The following CACNA1G variants were observed in gnomAD, a reference collection of about 807,000 sequenced individuals.
The protein encoded by CACNA1G is calcium voltage-gated channel subunit alpha1 G.
Under a neutral mutation model 219.4 loss-of-function variants are expected in CACNA1G, and 67 were observed. That is an observed-to-expected ratio of 0.31 (90% confidence interval 0.25 to 0.37). CACNA1G has a LOEUF of 0.37. Among genes scored for constraint, CACNA1G ranks in the 10% least tolerant of loss-of-function variants. The pLI, the probability that CACNA1G is intolerant of heterozygous loss-of-function variation, is 1.00. For synonymous variants in CACNA1G, 1,296 were observed against 1,345.3 expected (o/e 0.96, Z 0.80); for missense variants, 2,380 against 3,231.4 (o/e 0.74, Z 6.39).
rs554260692 is a variant in CACNA1G, at chr17:50,588,759, G to T, written c.2302-1712G>T. Among the ~76,000 whole-genome samples the T allele has an allele frequency of 2.3e-3, 345 of 152,334 alleles. 2 individuals carry two copies. The highest frequency in any genetic ancestry group is 7.8e-3 in the African/African-American group (324 of 41,554). On this transcript the variant is annotated intron_variant, in intron 9 of 37. Coordinates refer to ENST00000359106, the MANE Select transcript of CACNA1G (RefSeq NM_018896.5). ...TAGCTGGCTGTCTGCCTGCCTGCTG[G>T]CCCTGACTCTGCCCCCAGGCCTGCC...
rs1207803861 is a variant in CACNA1G, at chr17:50,576,015, C to G, written c.1613C>G (p.Ser538Trp). 3 of 1,560,458 alleles carry G rather than the reference C, an allele frequency of 1.9e-6. No individual in the cohort carries two copies. The highest frequency in any genetic ancestry group is 2.7e-5 in the African/African-American group (2 of 73,382). Residue 538 changes from serine (S) to tryptophan (W), a missense_variant, in exon 8 of 38, where the codon TCG (serine) becomes TGG (tryptophan). Physicochemically the swap from Ser to Trp is radical, Grantham distance 177. This residue lies in a region of CACNA1G where 434 missense variants were observed against 417.3 expected (regional missense o/e 1.04). Transcript: ENST00000359106. ...GSRRLMLPPP[S>W]TPALSGAPPG... ...CGCCGGCTCATGCTGCCACCACCCT[C>G]GACGCCTGCCCTCTCCGGGGCCCCC...
chr17:50,569,990 C>A (rs1409017655), intron 4 of CACNA1G, among the ~76,000 whole-genome samples, 187 bp downstream of exon 4: 1 of 152,160 alleles, frequency 6.6e-6, no homozygotes, highest in Non-Finnish European at 1.5e-5. Flanking sequence ...TGGGAGTTAC[C>A]TGGGAAAACC....
intron 7 of CACNA1G, chr17:50,573,447 G>GAA (rs1385474622): frequency 4.3e-6 from 1 of 232,918 alleles, no homozygotes; most frequent in Non-Finnish European, 8.4e-6. Context: ...TTGGAAATGG[G>GAA]AAAGGGTGAT....
At position 50,626,301 on chromosome 17, in the gene CACNA1G, C is replaced by T; in HGVS notation, c.6684C>T (p.Leu2228=). 5 of 1,613,522 alleles carry T rather than the reference C, an allele frequency of 3.1e-6. No homozygotes were observed. Among genetic ancestry groups the T allele is most frequent in the Non-Finnish European group, 4.2e-6 (5 of 1,179,868 alleles). Reference sequence around the variant, plus strand: ...AGCTGAGCTGGATTTCAGGAGACCTCCTGCCCCCTGGCGGCCAGGAGGAGC... The same window carrying T: ...AGCTGAGCTGGATTTCAGGAGACCTTCTGCCCCCTGGCGGCCAGGAGGAGC... ...DTELSWISGD[L]LPPGGQEEPP... The change falls in exon 38 of 38, where the codon CTC becomes CTT. Residue 2228 remains leucine, a synonymous_variant. Transcript: ENST00000359106. This position sits in a 1 kb window ranked among gnomAD's most constrained non-coding sequence, Gnocchi z 4.3.
Position 50,605,962 on chromosome 17 carries a change from A to C in CACNA1G, c.4361A>C (p.Asp1454Ala), listed in dbSNP as rs766533867. Residue 1454 changes from aspartate (D) to alanine (A), a missense_variant, in exon 23 of 38, where the codon GAC (aspartate) becomes GCC (alanine). Physicochemically the swap from Asp to Ala is moderately radical, Grantham distance 126. Coordinates refer to ENST00000359106, the MANE Select transcript of CACNA1G (RefSeq NM_018896.5). ...EDTRNITNKSDCAEASYRWVR... is the reference protein window; with the variant it reads ...EDTRNITNKSACAEASYRWVR... ...ACCAGGAACATCACCAATAAATCGGACTGTGCCGAGGCCAGTTACCGGTGG... is the reference window on the plus strand; with the variant it reads ...ACCAGGAACATCACCAATAAATCGGCCTGTGCCGAGGCCAGTTACCGGTGG... The C allele has an allele frequency of 1.2e-6, 2 of 1,613,772 alleles. No individual in the cohort carries two copies. The highest frequency in any genetic ancestry group is 1.7e-5 in the Admixed American group (1 of 60,034).
At chr17:50,572,099 A>T in intron 5 of CACNA1G, 62 bp downstream of exon 5, 1 of 1,537,640 alleles carries the variant, frequency 6.5e-7, no homozygotes, top group Non-Finnish European at 8.9e-7. Flanking sequence ...GCACCCCCCC[A>T]AGTTCCTCAC....
intron 26 of CACNA1G, 76 bp downstream of exon 26, chr17:50,610,011 T>C: frequency 7.0e-7 from 1 of 1,437,692 alleles, no homozygotes; most frequent in African/African-American, 1.4e-5. Context: ...ATTGATTCTA[T>C]CCTCTTGGGG....
chr17:50,580,342 G>A (rs2041677363), intron 9 of CACNA1G, among the ~76,000 whole-genome samples: 1 of 151,944 alleles, frequency 6.6e-6, no homozygotes, highest in South Asian at 2.1e-4. Flanking sequence ...CAGGCTCCCT[G>A]AACCTCAGCC....
At chr17:50,624,280 C>A in intron 36 of CACNA1G, 80 bp from the exon 37 acceptor site, 1 of 1,308,684 alleles carries the variant, frequency 7.6e-7, no homozygotes, top group Non-Finnish European at 1.1e-6. Context: ...GAAGGGAGGG[C>A]TCAGGTGAGA....
intron 9 of CACNA1G, among the ~76,000 whole-genome samples, chr17:50,579,842 T>G (rs976765947): frequency 4.6e-5 from 7 of 151,694 alleles, no homozygotes; most frequent in African/African-American, 1.7e-4. Flanking sequence ...ACAGGCAGGG[T>G]GGTACAGGCA....
intron 37 of CACNA1G, among the ~76,000 whole-genome samples, chr17:50,625,029 C>T (rs540326442): frequency 6.5e-4 from 99 of 151,762 alleles, no homozygotes; most frequent in Admixed American, 1.2e-3. Context: ...CTTGGCTCCC[C>T]GCAACCTCCG....
chr17:50,618,325 T>C lies in CACNA1G; in HGVS notation c.5409T>C (p.Asn1803=), dbSNP rs1321034285. The change falls in exon 32 of 38, where the codon AAT becomes AAC. Residue 1803 remains asparagine (N), a synonymous_variant. Transcript: ENST00000359106. The surrounding 1 kb of genome is among the most constrained non-coding windows in gnomAD (Gnocchi z 5.3). The part of the protein sequence containing the change: ...LTLFRVSTGD[N]WNGIMKDTLR... ...TCTTCCGAGTCTCCACAGGTGACAA[T>C]TGGAATGGCATTATGAAGGTAAGGG... 5 of 1,613,716 alleles carry C rather than the reference T, an allele frequency of 3.1e-6. No individual in the cohort carries two copies. Among genetic ancestry groups the C allele is most frequent in the African/African-American group, 2.7e-5 (2 of 74,902 alleles).
chr17:50,624,328 CCCACCCCTCCCCCGCTTCCCTCCCT>C lies in CACNA1G; in HGVS notation c.6230-27_6230-3del. Reference sequence around the variant, plus strand: ...GAACCCTCCAGCTCCATTCTCTCCCCCCACCCCTCCCCCGCTTCCCTCCCTCCACAGGCTCCGTCTTGTCCGTTCA... The same window carrying C: ...GAACCCTCCAGCTCCATTCTCTCCCCCCACAGGCTCCGTCTTGTCCGTTCA... On this transcript the variant is annotated splice_region_variant and splice_polypyrimidine_tract_variant and intron_variant, in intron 36 of 37. Transcript: ENST00000359106. 8.7e-7 allele frequency: 1 copy of C among 1,151,230 alleles called. No homozygotes were observed. Among genetic ancestry groups the C allele is most frequent in the Non-Finnish European group, 1.3e-6 (1 of 783,660 alleles). 71.3% of individuals were successfully genotyped at this position (1,151,230 alleles called of 1,614,324 possible). A position where few individuals can be genotyped will look rare whatever the true frequency, so the allele number is the denominator to read the frequency against.
Position 50,599,844 on chromosome 17 carries a change from T to A in CACNA1G, c.3675T>A (p.Asp1225Glu), listed in dbSNP as rs1400585847. The A allele has an allele frequency of 6.2e-7, 1 of 1,607,430 alleles. No individual in the cohort carries two copies. Among genetic ancestry groups the A allele is most frequent in the Non-Finnish European group, 8.5e-7 (1 of 1,179,380 alleles). ...CCCCACTGGATGGGGATGACGCCGA[T>A]GACGAGGGCAACCTGGTGAGGCCCC... is the stretch of plus-strand genomic sequence containing the variant. ...DDPPLDGDDA[D>E]DEGNLSKGER... The change falls in exon 17 of 38, where the codon GAT becomes GAA. Residue 1225 changes from aspartate to glutamate, a missense_variant. Physicochemically the swap from Asp to Glu is conservative, Grantham distance 45. This residue lies in a region of CACNA1G where 418 missense variants were observed against 434.3 expected (regional missense o/e 0.96). Coordinates refer to ENST00000359106, the MANE Select transcript of CACNA1G (RefSeq NM_018896.5).
chr17:50,564,478 G>A (rs1476161040), intron 1 of CACNA1G, among the ~76,000 whole-genome samples: 3 of 144,698 alleles, frequency 2.1e-5, no homozygotes, highest in African/African-American at 7.7e-5. Context: ...AGGGGGGCCA[G>A]AGGGGGAGAG....
chr17:50,566,498 G>A (rs1285767805), intron 1 of CACNA1G, among the ~76,000 whole-genome samples: 1 of 152,232 alleles, frequency 6.6e-6, no homozygotes, highest in Non-Finnish European at 1.5e-5. Flanking sequence ...AGCTGTGCAT[G>A]AGGTTATTCG....
chr17:50,616,163 C>A, intron 27 of CACNA1G, 112 bp from the exon 28 acceptor site: 1 of 642,550 alleles, frequency 1.6e-6, no homozygotes, highest in Non-Finnish European at 2.8e-6. Context: ...GAAGACAGGG[C>A]TCCTTGGAGT....
rs758591579 is a variant in CACNA1G, at chr17:50,617,542, G to A, written c.5126G>A (p.Arg1709His). ...CTGCCCATCAACCCCACCATCATCC[G>A]CATCATGAGGGTGCTGCGCATTGCC... The part of the protein sequence containing the change: ...ASLPINPTII[R>H]IMRVLRIARV... Residue 1709 changes from arginine to histidine, a missense_variant, in exon 29 of 38, where the codon CGC becomes CAC. Arg to His is a conservative substitution (Grantham distance 29, BLOSUM62 0). Coordinates refer to ENST00000359106, the MANE Select transcript of CACNA1G (RefSeq NM_018896.5). This position sits in a 1 kb window ranked among gnomAD's most constrained non-coding sequence, Gnocchi z 5.8. 5 of 1,613,890 alleles carry A rather than the reference G, an allele frequency of 3.1e-6. No individual in the cohort carries two copies. The highest frequency in any genetic ancestry group is 2.7e-5 in the African/African-American group (2 of 74,930).
chr17:50,572,130 T>C, intron 5 of CACNA1G, 93 bp downstream of exon 5: 1 of 1,364,508 alleles, frequency 7.3e-7, no homozygotes, highest in South Asian at 1.4e-5. Context: ...TACTGACATA[T>C]CTGTTCTAAC....
Sources: gnomAD v4.1 joint callset for allele counts (sites outside exome capture counted in the v4.1 genomes callset) on GRCh38, gnomAD v4.1.1 for gene constraint, gnomAD v4.1.1 regional missense constraint, Gnocchi (gnomAD v3.1) non-coding constraint, MANE v1.5 for transcripts, NCBI Gene and HGNC (gene_info 2026-07-23, HGNC 2026-07-21) for gene names.